Variants in ARHGAP15 observed in about 807,000 individuals in gnomAD.
ARHGAP15 encodes Rho GTPase activating protein 15.
Under a neutral mutation model 63.7 loss-of-function variants are expected in ARHGAP15, and 51 were observed. That is an observed-to-expected ratio of 0.80 (90% CI 0.64 to 1.01). ARHGAP15 has a LOEUF of 1.01. Ranked by LOEUF, ARHGAP15 falls within the 50% of genes least tolerant of loss-of-function variation. The probability of loss-of-function intolerance (pLI) is 0.00; values close to 1 mark genes in which losing one functional copy is unlikely to be tolerated. For missense variants in ARHGAP15, 560 were observed against 564.6 expected (o/e 0.99, Z 0.08); for synonymous variants, 191 against 193.8 (o/e 0.99, Z 0.12).
intron 13 of ARHGAP15, among the ~76,000 whole-genome samples, chr2:143,705,154 A>C (rs2105427568): frequency 6.6e-6 from 1 of 152,306 alleles, no homozygotes; most frequent in Non-Finnish European, 1.5e-5. Context: ...TGGTATACAC[A>C]GTCCATAACT....
At chr2:143,507,018 G>T (rs1428708369) in intron 9 of ARHGAP15, among the ~76,000 whole-genome samples, 1 of 151,956 alleles carries the variant, frequency 6.6e-6, no homozygotes, top group Admixed American at 6.6e-5. Context: ...CAACCAGAAG[G>T]CATGTAATAT....
At chr2:143,498,392 C>T (rs1692913113) in intron 9 of ARHGAP15, among the ~76,000 whole-genome samples, 1 of 151,998 alleles carries the variant, frequency 6.6e-6, no homozygotes, top group African/African-American at 2.4e-5. Flanking sequence ...TTTGGATAGT[C>T]ATAATTGGTG....
intron 6 of ARHGAP15, among the ~76,000 whole-genome samples, chr2:143,345,853 G>A (rs1202576056): frequency 6.6e-6 from 1 of 152,048 alleles, no homozygotes; most frequent in East Asian, 1.9e-4. Context: ...TGCTGCTGGG[G>A]AAAGCAACAA....
intron 2 of ARHGAP15, among the ~76,000 whole-genome samples, chr2:143,200,696 G>A (rs898796799): frequency 6.6e-5 from 10 of 151,686 alleles, no homozygotes; most frequent in African/African-American, 2.4e-4. Flanking sequence ...TTCTCTTTAT[G>A]TTTTATTGTA....
chr2:143,265,072 T>C (rs1209712809), intron 6 of ARHGAP15, among the ~76,000 whole-genome samples: 1 of 152,204 alleles, frequency 6.6e-6, no homozygotes, highest in African/African-American at 2.4e-5. Flanking sequence ...CCAAAGTTTT[T>C]GCAACATTAG....
chr2:143,360,591 G>A (rs2105334388), intron 6 of ARHGAP15, among the ~76,000 whole-genome samples: 1 of 152,168 alleles, frequency 6.6e-6, no homozygotes, highest in Non-Finnish European at 1.5e-5. Flanking sequence ...CAGGAAACCT[G>A]AGTTTGCATT....
intron 3 of ARHGAP15, among the ~76,000 whole-genome samples, chr2:143,212,808 A>G (rs1692610898): frequency 6.6e-6 from 1 of 152,230 alleles, no homozygotes; most frequent in African/African-American, 2.4e-5. Context: ...TGAGGCTCCC[A>G]GAATAACTGA....
chr2:143,134,748 C>T lies in ARHGAP15; in HGVS notation c.-15+5282C>T, dbSNP rs149998982. On this transcript the variant is annotated intron_variant, in intron 1 of 13. Coordinates refer to ENST00000295095, the MANE Select transcript of ARHGAP15 (RefSeq NM_018460.4). ...CTCCCGGGTTCATGCCAGTCTCCTG[C>T]CTCAGCCTCCTGAGTAGCTGGGACT... 8.2e-3 allele frequency among the ~76,000 whole-genome samples: 1,245 copies of T among 151,586 alleles called. 9 individuals carry two copies. Among genetic ancestry groups the T allele is most frequent in the Non-Finnish European group, 0.014 (974 of 67,958 alleles).
intron 12 of ARHGAP15, among the ~76,000 whole-genome samples, chr2:143,626,572 G>A (rs919703845): frequency 3.5e-4 from 53 of 152,122 alleles, no homozygotes; most frequent in African/African-American, 1.3e-3. Flanking sequence ...GGTTACCCCT[G>A]CTGGCTGGGG....
chr2:143,439,692 A>G (rs1689793552), intron 8 of ARHGAP15, among the ~76,000 whole-genome samples: 1 of 152,024 alleles, frequency 6.6e-6, no homozygotes, highest in South Asian at 2.1e-4. Context: ...TGAAGAACTA[A>G]GGTAATTTGT....
chr2:143,652,079 A>G (rs1434917829), intron 12 of ARHGAP15, among the ~76,000 whole-genome samples: 1 of 152,020 alleles, frequency 6.6e-6, no homozygotes, highest in Admixed American at 6.6e-5. Context: ...TATACATCTA[A>G]CTCAATGCCA....
At chr2:143,133,351 C>T (rs1688986338) in intron 1 of ARHGAP15, among the ~76,000 whole-genome samples, 1 of 152,144 alleles carries the variant, frequency 6.6e-6, no homozygotes, top group South Asian at 2.1e-4. Flanking sequence ...AGTGTGAGAT[C>T]ATAAATAGAG....
intron 8 of ARHGAP15, among the ~76,000 whole-genome samples, chr2:143,477,504 G>T (rs1192601292): frequency 1.3e-5 from 2 of 152,018 alleles, no homozygotes; most frequent in African/African-American, 4.8e-5. Flanking sequence ...TGAGCTGGAT[G>T]TTTTTCCTAT....
chr2:143,607,000 A>T (rs1698063413), intron 11 of ARHGAP15: 1 of 152,244 alleles, frequency 6.6e-6, no homozygotes, highest in Non-Finnish European at 1.5e-5. Context: ...CTATATATGC[A>T]ATTCGTATCT....
chr2:143,295,376 G>C (rs1405284169), intron 6 of ARHGAP15: 1 of 151,890 alleles, frequency 6.6e-6, no homozygotes, highest in African/African-American at 2.4e-5. Flanking sequence ...GCTCAGAAGA[G>C]GGAAAAACTT....
chr2:143,278,791 G>A (rs1681696659), intron 6 of ARHGAP15, among the ~76,000 whole-genome samples: 1 of 151,526 alleles, frequency 6.6e-6, no homozygotes. Context: ...AGAAGGCACT[G>A]TGAAATTCAT....
intron 10 of ARHGAP15, among the ~76,000 whole-genome samples, chr2:143,538,500 G>A (rs1206330454): frequency 2.0e-5 from 3 of 152,186 alleles, no homozygotes; most frequent in African/African-American, 7.2e-5. Flanking sequence ...CACTCAGTAT[G>A]ATATTGGCTG....
intron 12 of ARHGAP15, among the ~76,000 whole-genome samples, chr2:143,661,762 G>A (rs1353651064): frequency 6.6e-6 from 1 of 152,228 alleles, no homozygotes. Context: ...CCTCACTTGG[G>A]AAGCGCAAGG....
rs941084863 is a variant in ARHGAP15 at position 143,164,667 on chromosome 2, A to AT, written c.165+9019dup. ...AACCCAGGGGAAATTCAGTTACTTG[A>AT]TTTTTTTCTCCTCTTCCTCTTGAAT... On this transcript the variant is annotated intron_variant, in intron 2 of 13. Transcript: ENST00000295095. Among the ~76,000 whole-genome samples, 8 of 151,834 alleles carry AT rather than the reference A, an allele frequency of 5.3e-5. No homozygotes were observed. In the East Asian group the frequency reaches 1.6e-3, roughly 30 times the overall value.
Sources: gnomAD v4.1 joint callset for allele counts (sites outside exome capture counted in the v4.1 genomes callset) on GRCh38, gnomAD v4.1.1 for gene constraint, MANE v1.5 for transcripts, NCBI Gene and HGNC (gene_info 2026-07-23, HGNC 2026-07-21) for gene names.